The following ADCY10 variants were observed in gnomAD, a reference collection of about 807,000 sequenced individuals.
ADCY10 encodes adenylate cyclase type 10.
In ADCY10, 156 loss-of-function variants were observed where a neutral mutation model predicts 183.3. The observed-to-expected ratio is 0.85, with a 90% CI of 0.75 to 0.97. The LOEUF (loss-of-function observed/expected upper bound fraction) is 0.97, where lower values mean the gene tolerates loss of function less well. Among genes scored for constraint, ADCY10 ranks in the 50% least tolerant of loss-of-function variants. The probability of loss-of-function intolerance (pLI) is 0.00; values close to 1 mark genes in which losing one functional copy is unlikely to be tolerated. For missense variants in ADCY10, 1,745 were observed against 1,934.3 expected (o/e 0.90, Z 1.84); for synonymous variants, 645 against 670.0 (o/e 0.96, Z 0.58).
Position 167,875,124 on chromosome 1 carries a change from T to C in ADCY10, c.1462+7A>G. The C allele has an allele frequency of 6.2e-7, 1 of 1,613,352 alleles. No homozygotes were observed. The highest frequency in any genetic ancestry group is 2.2e-5 in the East Asian group (1 of 44,880). ...AAAGAAGTTTAAAATCAAGGCCTAC[T>C]ACCTACCCAGCAAAGGGTAATCCTC... On this transcript the variant is annotated splice_region_variant and intron_variant, in intron 13 of 32. Coordinates refer to ENST00000367851, the MANE Select transcript of ADCY10 (RefSeq NM_018417.6).
intron 18 of ADCY10, among the ~76,000 whole-genome samples, chr1:167,850,469 ACT>A (rs1197295693): frequency 6.6e-6 from 1 of 152,166 alleles, no homozygotes; most frequent in African/African-American, 2.4e-5. Context: ...AATGAAAACA[ACT>A]GGGGAGAGAG....
At chr1:167,848,628 A>G in intron 18 of ADCY10, 139 bp from the exon 19 acceptor site, 1 of 997,076 alleles carries the variant, frequency 1.0e-6, no homozygotes, top group Non-Finnish European at 1.5e-6. Context: ...TATTCTGGAA[A>G]CCTTTTTTTT....
At chr1:167,858,279 C>A (rs1202050615) in intron 16 of ADCY10, among the ~76,000 whole-genome samples, 1 of 151,972 alleles carries the variant, frequency 6.6e-6, no homozygotes, top group South Asian at 2.1e-4. Context: ...ATGGGCGGAT[C>A]ACAAGGTCAG....
At chr1:167,865,740 G>C (rs1666630887) in intron 14 of ADCY10, among the ~76,000 whole-genome samples, 1 of 152,218 alleles carries the variant, frequency 6.6e-6, no homozygotes, top group Non-Finnish European at 1.5e-5. Context: ...GCAAATGCCT[G>C]GTTGAAATGG....
At chr1:167,908,251 A>G (rs1445096006) in intron 1 of ADCY10, among the ~76,000 whole-genome samples, 1 of 152,268 alleles carries the variant, frequency 6.6e-6, no homozygotes, top group African/African-American at 2.4e-5. Flanking sequence ...TTCTTGTATG[A>G]TAGTGTGGAT....
intron 7 of ADCY10, among the ~76,000 whole-genome samples, chr1:167,894,404 T>G (rs1668814123): frequency 6.6e-6 from 1 of 152,112 alleles, no homozygotes; most frequent in Non-Finnish European, 1.5e-5. Context: ...AGAAGTCACT[T>G]TGCTGCCCTG....
intron 31 of ADCY10, among the ~76,000 whole-genome samples, chr1:167,815,506 G>C (rs1443349089): frequency 6.6e-6 from 1 of 152,188 alleles, no homozygotes; most frequent in Non-Finnish European, 1.5e-5. Flanking sequence ...CAGAGGAATA[G>C]GCTCACTAAA....
intron 8 of ADCY10, among the ~76,000 whole-genome samples, chr1:167,893,399 A>T (rs1209808531): frequency 6.6e-6 from 1 of 152,188 alleles, no homozygotes; most frequent in Non-Finnish European, 1.5e-5. Flanking sequence ...AATGAATTTC[A>T]CAGTCACCTA....
At chr1:167,867,521 T>C (rs949689037) in intron 14 of ADCY10, among the ~76,000 whole-genome samples, 5 of 152,178 alleles carry the variant, frequency 3.3e-5, no homozygotes, top group African/African-American at 1.2e-4. Flanking sequence ...AAAAGAAACT[T>C]GTTTGTATAA....
chr1:167,909,560 T>C (rs568450644), intron 1 of ADCY10, among the ~76,000 whole-genome samples: 1 of 152,320 alleles, frequency 6.6e-6, no homozygotes, highest in South Asian at 2.1e-4. Context: ...TTTGTGATTT[T>C]TTTTTCTTAG....
At chr1:167,906,775 T>G (rs1571472022) in intron 1 of ADCY10, among the ~76,000 whole-genome samples, 1 of 151,918 alleles carries the variant, frequency 6.6e-6, no homozygotes, top group Non-Finnish European at 1.5e-5. Flanking sequence ...GGTGACAGAG[T>G]GAGACTCCAT....
chr1:167,888,199 T>C (rs1571410759), intron 8 of ADCY10, among the ~76,000 whole-genome samples: 1 of 152,372 alleles, frequency 6.6e-6, no homozygotes, highest in African/African-American at 2.4e-5. Flanking sequence ...TAATTTGAAG[T>C]CAGATAATAT....
chr1:167,810,937 G>A (rs751716255), intron 31 of ADCY10, 24 bp from the exon 32 acceptor site: 1 of 1,610,884 alleles, frequency 6.2e-7, no homozygotes, highest in Non-Finnish European at 8.5e-7. Context: ...ACCCACAACA[G>A]TATATTAGAA....
At chr1:167,846,371 G>A in intron 19 of ADCY10, 108 bp from the exon 20 acceptor site, 14 of 1,397,324 alleles carry the variant, frequency 1.0e-5, no homozygotes, top group Non-Finnish European at 1.4e-5. Context: ...AGTTCTTGTT[G>A]CAAGAAACTC....
chr1:167,856,487 T>G, intron 16 of ADCY10, 48 bp from the exon 17 acceptor site: 1 of 1,603,452 alleles, frequency 6.2e-7, no homozygotes, highest in Non-Finnish European at 8.5e-7. Context: ...GGACGTCAGG[T>G]TTTTTTACAC....
chr1:167,879,881 T>C (rs1352083473), intron 11 of ADCY10, among the ~76,000 whole-genome samples: 1 of 152,156 alleles, frequency 6.6e-6, no homozygotes, highest in Non-Finnish European at 1.5e-5. Flanking sequence ...CATCAACATA[T>C]AGCCTCCCAC....
At chr1:167,836,050 A>C (rs1202400668) in intron 23 of ADCY10, among the ~76,000 whole-genome samples, 1 of 152,194 alleles carries the variant, frequency 6.6e-6, no homozygotes, top group Non-Finnish European at 1.5e-5. Context: ...CTTACCTCCC[A>C]TACAGGTAGA....
rs775352088 is a variant in ADCY10 at position 167,809,885 on chromosome 1, C to G, written c.4672-46G>C. 4 of 1,590,486 alleles carry G rather than the reference C, an allele frequency of 2.5e-6. No individual in the cohort carries two copies. The South Asian group carries it at 3.3e-5, about 13-fold the overall frequency. ...CAAAGAAATCATTAGTGCTTCTTGACTTTTGTAATCAAGGTTAGTCCAATA... is the reference window on the plus strand; with the variant it reads ...CAAAGAAATCATTAGTGCTTCTTGAGTTTTGTAATCAAGGTTAGTCCAATA... On this transcript the variant is annotated intron_variant, in intron 32 of 32. Transcript: ENST00000367851.
At chr1:167,891,527 G>C (rs910130916) in intron 8 of ADCY10, among the ~76,000 whole-genome samples, 1 of 151,598 alleles carries the variant, frequency 6.6e-6, no homozygotes, top group Non-Finnish European at 1.5e-5. Context: ...GTGGTGGCGG[G>C]CGCCTGTAGT....
Sources: allele counts gnomAD v4.1 joint callset (sites outside exome capture counted in the v4.1 genomes callset), GRCh38; gene constraint gnomAD v4.1.1; transcripts MANE v1.5; gene names NCBI Gene and HGNC (gene_info 2026-07-23, HGNC 2026-07-21).